Variants in LARGE1 observed in about 807,000 individuals in gnomAD.
LARGE1 encodes LARGE xylosyl- and glucuronyltransferase 1, also known as xylosyl- and glucuronyltransferase LARGE1.
Under a neutral mutation model 87.6 loss-of-function variants are expected in LARGE1, and 43 were observed. The ratio of observed to expected loss-of-function variants is 0.49; its 90% CI spans 0.38 to 0.63. The LOEUF (loss-of-function observed/expected upper bound fraction) is 0.63, where lower values mean the gene tolerates loss of function less well. Ranked by LOEUF, LARGE1 falls within the 30% of genes least tolerant of loss-of-function variation. The pLI is 0.00. For missense variants in LARGE1, 802 were observed against 1,000.2 expected, an observed-to-expected ratio of 0.80 and a Z score of 2.67; for synonymous variants, 434 against 394.6, an observed-to-expected ratio of 1.10 and a Z score of -1.18.
chr22:33,096,279 G>T, the LARGE1 span, among the ~76,000 whole-genome samples: 1 of 151,982 alleles, frequency 6.6e-6, no homozygotes, highest in African/African-American at 2.4e-5. Flanking sequence ...AGCTGGGCAT[G>T]GTAGTGCATG....
At chr22:33,528,215 C>T (rs1187260313) in intron 6 of LARGE1, among the ~76,000 whole-genome samples, 2 of 151,928 alleles carry the variant, frequency 1.3e-5, no homozygotes, top group African/African-American at 2.4e-5. Context: ...TGATGAAGTT[C>T]ATAAATTTGG....
chr22:33,477,534 GA>G (rs984520338), intron 6 of LARGE1, among the ~76,000 whole-genome samples: 7 of 152,138 alleles, frequency 4.6e-5, no homozygotes, highest in African/African-American at 1.4e-4. Flanking sequence ...TCATGTCCAA[GA>G]AAAGTAGTAA....
At chr22:33,780,943 A>G (rs2085400194) in intron 1 of LARGE1, among the ~76,000 whole-genome samples, 1 of 152,248 alleles carries the variant, frequency 6.6e-6, no homozygotes, top group African/African-American at 2.4e-5. Flanking sequence ...GTGCTAGGTC[A>G]TTAGTTGTGG....
At chr22:33,070,828 A>G in the LARGE1 span, among the ~76,000 whole-genome samples, 2 of 152,290 alleles carry the variant, frequency 1.3e-5, no homozygotes, top group African/African-American at 4.8e-5. Flanking sequence ...AATGTGCCGG[A>G]AGGGTGAACA....
chr22:33,279,898 G>T (rs1386871471), intron 13 of LARGE1, among the ~76,000 whole-genome samples: 1 of 152,184 alleles, frequency 6.6e-6, no homozygotes, highest in Non-Finnish European at 1.5e-5. Flanking sequence ...GAGCCATCAG[G>T]CCAGGGTTCA....
chr22:33,498,020 T>G (rs1011868506), intron 6 of LARGE1, among the ~76,000 whole-genome samples: 1 of 152,130 alleles, frequency 6.6e-6, no homozygotes, highest in Non-Finnish European at 1.5e-5. Context: ...GTAGCTGTGA[T>G]TACAGACGTG....
the LARGE1 span, among the ~76,000 whole-genome samples, chr22:33,108,058 C>T: frequency 3.6e-4 from 55 of 152,146 alleles, no homozygotes; most frequent in African/African-American, 1.1e-3. Context: ...ATAAAGCAAA[C>T]GCTATATAAC....
chr22:33,237,438 A>C (rs1219076330), intron 11 of LARGE1, among the ~76,000 whole-genome samples: 1 of 150,094 alleles, frequency 6.7e-6, no homozygotes, highest in Non-Finnish European at 1.5e-5. Flanking sequence ...CTTTACTAGG[A>C]AAAAAAAGAA....
At chr22:33,479,056 T>C (rs902260193) in intron 6 of LARGE1, among the ~76,000 whole-genome samples, 3 of 152,178 alleles carry the variant, frequency 2.0e-5, no homozygotes, top group Non-Finnish European at 4.4e-5. Context: ...GGCATCCTTT[T>C]TTGTTTAAGC....
intron 7 of LARGE1, among the ~76,000 whole-genome samples, chr22:33,398,583 T>A (rs148775503): frequency 6.6e-6 from 1 of 152,326 alleles, no homozygotes; most frequent in East Asian, 1.9e-4. Context: ...AATAAAAAGT[T>A]GAGGAAAAGT....
intron 11 of LARGE1, among the ~76,000 whole-genome samples, chr22:33,245,860 G>T (rs1926732818): frequency 2.0e-5 from 3 of 152,204 alleles, no homozygotes; most frequent in Non-Finnish European, 4.4e-5. Context: ...AGTGAGCTGA[G>T]ATTGCGCCAC....
In LARGE1 at chr22:33,901,208, C is replaced by T. The variant is rs188177982; in HGVS notation, c.-83+18787G>A. On this transcript the variant is annotated intron_variant, in intron 1 of 14. Transcript: ENST00000397394. ...GCAATCACCAGAAGCTAGTGAGAACCAGAAGGGTTCTCACCGAGAGCCACT... is the reference window on the plus strand; with the variant it reads ...GCAATCACCAGAAGCTAGTGAGAACTAGAAGGGTTCTCACCGAGAGCCACT... Among the ~76,000 whole-genome samples, 97 of 152,226 alleles carry T rather than the reference C, an allele frequency of 6.4e-4. 1 individual carries two copies. Among genetic ancestry groups the T allele is most frequent in the Non-Finnish European group, 1.3e-3 (89 of 68,012 alleles).
At chr22:33,671,173 G>A (rs1275177015) in intron 2 of LARGE1, among the ~76,000 whole-genome samples, 2 of 152,142 alleles carry the variant, frequency 1.3e-5, no homozygotes, top group Admixed American at 6.5e-5. Flanking sequence ...TGAGGCCAGG[G>A]GGAGCTAAAA....
intron 6 of LARGE1, among the ~76,000 whole-genome samples, chr22:33,455,480 A>AG (rs1305053272): frequency 2.6e-5 from 4 of 152,208 alleles, no homozygotes; most frequent in African/African-American, 9.6e-5. Flanking sequence ...TGCTAAAAAA[A>AG]TTGCTATTGT....
Position 33,907,685 on chromosome 22 carries a change from A to G in LARGE1, c.-83+12310T>C, listed in dbSNP as rs1006088943. Among the ~76,000 whole-genome samples, 8 of 151,248 alleles carry G rather than the reference A, an allele frequency of 5.3e-5. No individual in the cohort carries two copies. The East Asian group carries it at 1.2e-3, about 22-fold the overall frequency. On this transcript the variant is annotated intron_variant, in intron 1 of 14. Transcript: ENST00000397394. The stretch of plus-strand genomic sequence containing the variant: ...CGGGTTCACACCATTCTCCTGCCTC[A>G]GCCTCCTGAGCCTCCTGAGCCTCCT...
chr22:33,729,960 A>G (rs2083401467), intron 2 of LARGE1, among the ~76,000 whole-genome samples: 1 of 152,054 alleles, frequency 6.6e-6, no homozygotes, highest in Non-Finnish European at 1.5e-5. Flanking sequence ...TGCCCTCATG[A>G]AGTGTGTGTG....
chr22:33,677,450 C>A (rs926260328), intron 2 of LARGE1, among the ~76,000 whole-genome samples: 33 of 152,104 alleles, frequency 2.2e-4, no homozygotes, highest in Non-Finnish European at 5.9e-5. Context: ...AGTTATCTCT[C>A]CATATTTATC....
At chr22:33,391,952 G>C (rs1027626186) in intron 7 of LARGE1, among the ~76,000 whole-genome samples, 1 of 151,512 alleles carries the variant, frequency 6.6e-6, no homozygotes, top group South Asian at 2.1e-4. Flanking sequence ...TGTATTTTTA[G>C]TAGAGACAGG....
intron 6 of LARGE1, among the ~76,000 whole-genome samples, chr22:33,483,257 C>T (rs566326491): frequency 1.3e-5 from 2 of 152,106 alleles, no homozygotes; most frequent in Admixed American, 1.3e-4. Flanking sequence ...TTCAGAGGAC[C>T]CCAATACGGG....
Sources: gnomAD v4.1 joint callset for allele counts (sites outside exome capture counted in the v4.1 genomes callset) on GRCh38, gnomAD v4.1.1 for gene constraint, MANE v1.5 for transcripts, NCBI Gene and HGNC (gene_info 2026-07-23, HGNC 2026-07-21) for gene names.